Variants in SNRNP40 observed in about 807,000 individuals in gnomAD.
SNRNP40 encodes the protein small nuclear ribonucleoprotein U5 subunit 40, also known as U5 small nuclear ribonucleoprotein 40 kDa protein.
Under a neutral mutation model 45.8 loss-of-function variants are expected in SNRNP40, and 21 were observed. The observed-to-expected ratio is 0.46, with a 90% confidence interval of 0.32 to 0.66. SNRNP40 has a LOEUF of 0.66. Ranked by LOEUF, SNRNP40 falls within the 30% of genes least tolerant of loss-of-function variation. The pLI, the probability that SNRNP40 is intolerant of heterozygous loss-of-function variation, is 0.03. For synonymous variants in SNRNP40, 142 were observed against 163.8 expected (o/e 0.87, Z 1.01); for missense variants, 344 against 439.1 (o/e 0.78, Z 1.94).
chr1:31,273,297 G>A (rs1557675499), intron 5 of SNRNP40, among the ~76,000 whole-genome samples: 1 of 152,078 alleles, frequency 6.6e-6, no homozygotes, highest in African/African-American at 2.4e-5. Flanking sequence ...CTTCCCCCTT[G>A]AGGCCTGTAC....
intron 5 of SNRNP40, among the ~76,000 whole-genome samples, chr1:31,276,515 A>C (rs1385141304): frequency 6.6e-6 from 1 of 152,092 alleles, no homozygotes; most frequent in Non-Finnish European, 1.5e-5. Context: ...TCTGAAGATA[A>C]GAGGCAAGTC....
chr1:31,296,472 G>A, intron 1 of SNRNP40, 139 bp downstream of exon 1: 1 of 1,181,012 alleles, frequency 8.5e-7, no homozygotes, highest in East Asian at 2.5e-5. Flanking sequence ...AGCTTTTACA[G>A]TGTTTATGTG....
chr1:31,270,466 T>A (rs1645929790), intron 6 of SNRNP40, among the ~76,000 whole-genome samples: 1 of 152,192 alleles, frequency 6.6e-6, no homozygotes, highest in Non-Finnish European at 1.5e-5. Flanking sequence ...TAATGCTAGA[T>A]TAAATGTGTA....
At chr1:31,289,938 C>T (rs1458474713) in intron 3 of SNRNP40, among the ~76,000 whole-genome samples, 1 of 152,058 alleles carries the variant, frequency 6.6e-6, no homozygotes, top group African/African-American at 2.4e-5. Context: ...TGGCTCACTG[C>T]AGCCTCGACC....
At chr1:31,280,395 C>G (rs1330879194) in intron 5 of SNRNP40, among the ~76,000 whole-genome samples, 3 of 151,956 alleles carry the variant, frequency 2.0e-5, no homozygotes, top group Non-Finnish European at 1.5e-5. Context: ...GTCTCCTGAC[C>G]TTGTGATCCA....
intron 4 of SNRNP40, chr1:31,282,609 A>ATCTT (rs1371094796): frequency 7.1e-6 from 1 of 140,996 alleles, no homozygotes; most frequent in African/African-American, 2.6e-5. Context: ...CTATCTATCT[A>ATCTT]TCTATCTTTC....
rs1161139333 is a variant in SNRNP40, at chr1:31,293,302, G to A, written c.188C>T (p.Ser63Phe). The A allele has an allele frequency of 1.4e-5, 23 of 1,613,806 alleles. No homozygotes were observed. The highest frequency in any genetic ancestry group is 1.9e-5 in the Non-Finnish European group (22 of 1,179,964). ...GCAGTAGACTTCCCCTTCATGTCCA[G>A]AGAGCAGCATGATTGGGGCTTGAAG... The part of the protein sequence containing the change: ...SSLQAPIMLL[S>F]GHEGEVYCCK... Residue 63 changes from serine (S) to phenylalanine (F), a missense_variant, in exon 2 of 10, where the codon TCT becomes TTT. Coordinates refer to ENST00000263694, the MANE Select transcript of SNRNP40 (RefSeq NM_004814.3).
intron 3 of SNRNP40, among the ~76,000 whole-genome samples, chr1:31,290,850 A>C (rs7525218): frequency 0.55 from 83,852 of 151,408 alleles, 23,894 homozygotes; most frequent in Non-Finnish European, 0.63. Flanking sequence ...TGCACTCCAG[A>C]CTGGGCGACA....
intron 5 of SNRNP40, among the ~76,000 whole-genome samples, chr1:31,277,832 T>A (rs1373343076): frequency 6.6e-6 from 1 of 152,172 alleles, no homozygotes; most frequent in African/African-American, 2.4e-5. Context: ...GTAGCTGGGA[T>A]TACAGGCGCA....
intron 9 of SNRNP40, among the ~76,000 whole-genome samples, 197 bp downstream of exon 9, chr1:31,261,332 C>T (rs1645857595): frequency 6.6e-6 from 1 of 152,104 alleles, no homozygotes; most frequent in Admixed American, 6.6e-5. Flanking sequence ...CTGGGCAAAA[C>T]AGCGAGACAC....
At chr1:31,271,784 C>T (rs112018810) in intron 5 of SNRNP40, among the ~76,000 whole-genome samples, 5 of 152,060 alleles carry the variant, frequency 3.3e-5, no homozygotes, top group African/African-American at 9.7e-5. Flanking sequence ...GCTGGGACTA[C>T]AGGAGCATGC....
Position 31,296,763 on chromosome 1 carries a change from G to C in SNRNP40, c.-12C>G. On this transcript the variant is annotated 5_prime_UTR_variant, in exon 1 of 10. Coordinates refer to ENST00000263694, the MANE Select transcript of SNRNP40 (RefSeq NM_004814.3). ...TGCTGTTCTATCATGGCGGCAACCG[G>C]TCTCTTCAGCGCCGCCACTGACCGC... is the stretch of plus-strand genomic sequence containing the variant. The C allele has an allele frequency of 1.3e-6, 2 of 1,590,586 alleles. No individual in the cohort carries two copies. Among genetic ancestry groups the C allele is most frequent in the Non-Finnish European group, 1.7e-6 (2 of 1,167,976 alleles).
At chr1:31,260,222 A>G in intron 9 of SNRNP40, 101 bp from the exon 10 acceptor site, 1 of 750,342 alleles carries the variant, frequency 1.3e-6, no homozygotes, top group Non-Finnish European at 2.2e-6. Flanking sequence ...TAAAAGAGCA[A>G]TTGGACTTAG....
chr1:31,282,654 G>A (rs10798841), intron 4 of SNRNP40, among the ~76,000 whole-genome samples: 117,186 of 151,124 alleles, frequency 0.78, 45,823 homozygotes, highest in African/African-American at 0.81. Context: ...GTATCTATGT[G>A]TCTATCTATC....
At chr1:31,293,462 A>G (rs1646120952) in intron 1 of SNRNP40, 114 bp from the exon 2 acceptor site, 1 of 1,067,438 alleles carries the variant, frequency 9.4e-7, no homozygotes, top group African/African-American at 1.6e-5. Flanking sequence ...AGTGGGTTTC[A>G]TCTGACTTAC....
intron 8 of SNRNP40, among the ~76,000 whole-genome samples, chr1:31,266,262 G>A (rs1645895765): frequency 6.6e-6 from 1 of 152,184 alleles, no homozygotes. Context: ...CCTGGAATAT[G>A]CTGAAAGCCC....
intron 5 of SNRNP40, among the ~76,000 whole-genome samples, chr1:31,275,876 T>A (rs988605628): frequency 6.6e-6 from 1 of 152,206 alleles, no homozygotes; most frequent in Non-Finnish European, 1.5e-5. Context: ...ATCCCAAATA[T>A]GAAACATCCT....
intron 3 of SNRNP40, among the ~76,000 whole-genome samples, chr1:31,291,201 A>T (rs4949379): frequency 0.55 from 83,013 of 150,342 alleles, 23,620 homozygotes; most frequent in Non-Finnish European, 0.63. Context: ...GGCAAGAGAA[A>T]CACGTGAACC....
Position 31,293,251 on chromosome 1 carries a change from G to A in SNRNP40, c.239C>T (p.Thr80Ile), listed in dbSNP as rs374319684. 24 of 1,613,946 alleles carry A rather than the reference G, an allele frequency of 1.5e-5. No homozygotes were observed. Among genetic ancestry groups the A allele is most frequent in the Non-Finnish European group, 1.7e-5 (20 of 1,179,986 alleles). ...TCGGTCAAATCCTGCAGATGCTAAG[G>A]TGGATCCGTTGGGGTGGAACTTGCA... ...YCCKFHPNGS[T>I]LASAGFDRLI... Residue 80 changes from threonine to isoleucine, a missense_variant, in exon 2 of 10, where the codon ACC (threonine) becomes ATC (isoleucine). This residue lies in a region of SNRNP40 where 254 missense variants were observed against 380.2 expected (regional missense o/e 0.67). Transcript: ENST00000263694.
Sources: allele counts gnomAD v4.1 joint callset (sites outside exome capture counted in the v4.1 genomes callset), GRCh38; gene constraint gnomAD v4.1.1; regional missense constraint gnomAD v4.1.1; transcripts MANE v1.5; gene names NCBI Gene and HGNC (gene_info 2026-07-23, HGNC 2026-07-21).